MBD2: variants seen among roughly 807,000 people sequenced by gnomAD.
The protein encoded by MBD2 is methyl-CpG binding domain protein 2, also known as methyl-CpG-binding domain protein 2.
In MBD2, 9 loss-of-function variants were observed where a neutral mutation model predicts 39.3. The ratio of observed to expected loss-of-function variants is 0.23; its 90% CI spans 0.14 to 0.40. MBD2 has a LOEUF of 0.40. MBD2 is among the 10% of genes least tolerant of loss of function. The probability of loss-of-function intolerance (pLI) is 1.00; values close to 1 mark genes in which losing one functional copy is unlikely to be tolerated. For synonymous variants in MBD2, 233 were observed against 211.1 expected (o/e 1.10, Z -0.90); for missense variants, 458 against 532.6 (o/e 0.86, Z 1.38).
chr18:54,194,411 T>C (rs2086348409), intron 2 of MBD2, among the ~76,000 whole-genome samples: 1 of 152,048 alleles, frequency 6.6e-6, no homozygotes, highest in Non-Finnish European at 1.5e-5. Flanking sequence ...ATCATGAAAT[T>C]ATTTCACTTT....
intron 1 of MBD2, among the ~76,000 whole-genome samples, chr18:54,217,957 T>C (rs560707258): frequency 2.6e-5 from 4 of 152,298 alleles, no homozygotes; most frequent in South Asian, 2.1e-4. Context: ...AAGGAAGATA[T>C]ATCAGAGCAC....
chr18:54,213,985 G>T (rs1334605110), intron 1 of MBD2, among the ~76,000 whole-genome samples: 1 of 149,690 alleles, frequency 6.7e-6, no homozygotes, highest in Non-Finnish European at 1.5e-5. Context: ...ATTAGCAGTG[G>T]TTCTCTTTTC....
At chr18:54,215,675 T>C (rs2086552349) in intron 1 of MBD2, among the ~76,000 whole-genome samples, 1 of 151,900 alleles carries the variant, frequency 6.6e-6, no homozygotes, top group Non-Finnish European at 1.5e-5. Flanking sequence ...TTTGTATTTT[T>C]AGTAAAGAAG....
intron 3 of MBD2, among the ~76,000 whole-genome samples, chr18:54,186,570 A>G (rs1303543573): frequency 1.3e-5 from 2 of 152,222 alleles, no homozygotes; most frequent in African/African-American, 4.8e-5. Context: ...ATTAACATGA[A>G]AATTGTCTTT....
chr18:54,175,095 C>T (rs895980642), intron 3 of MBD2, among the ~76,000 whole-genome samples: 36 of 152,206 alleles, frequency 2.4e-4, no homozygotes, highest in African/African-American at 8.4e-4. Flanking sequence ...CTTATTTTAG[C>T]TCTCATGTAT....
intron 3 of MBD2, among the ~76,000 whole-genome samples, chr18:54,180,032 C>T (rs1001230363): frequency 6.6e-6 from 1 of 152,098 alleles, no homozygotes. Flanking sequence ...AGAAGGATAA[C>T]TGAAATCAGA....
intron 5 of MBD2, among the ~76,000 whole-genome samples, chr18:54,162,642 A>G (rs1043874343): frequency 4.6e-5 from 7 of 152,252 alleles, no homozygotes; most frequent in African/African-American, 1.7e-4. Flanking sequence ...AGGACCTGGC[A>G]GAATCCCTGC....
In MBD2 at chr18:54,224,628, C is replaced by A; in HGVS notation, c.-69G>T. ...GCCCTTGGAATCCCGGAGACCCGCCCCGCCCGCAGCGCGGCGCGCGGGGGA... is the reference window on the plus strand; with the variant it reads ...GCCCTTGGAATCCCGGAGACCCGCCACGCCCGCAGCGCGGCGCGCGGGGGA... On this transcript the variant is annotated 5_prime_UTR_variant, in exon 1 of 7. Transcript: ENST00000256429. 8.9e-7 allele frequency: 1 copy of A among 1,121,234 alleles called. No individual in the cohort carries two copies. Among genetic ancestry groups the A allele is most frequent in the South Asian group, 4.6e-5 (1 of 21,964 alleles). The allele number at this position is 1,121,234 out of a possible 1,614,324, so 69.5% of individuals were successfully genotyped here.
intron 1 of MBD2, among the ~76,000 whole-genome samples, chr18:54,221,996 T>A (rs565304892): frequency 1.4e-4 from 21 of 152,140 alleles, no homozygotes; most frequent in African/African-American, 5.1e-4. Flanking sequence ...TGCCACAGAG[T>A]AAAATTCAAA....
chr18:54,188,116 GCA>G (rs1418344592), intron 3 of MBD2, among the ~76,000 whole-genome samples: 1 of 152,052 alleles, frequency 6.6e-6, no homozygotes, highest in Admixed American at 6.6e-5. Flanking sequence ...AAAAAAAAAC[GCA>G]CAGATGTTTC....
chr18:54,173,380 G>C lies in MBD2; in HGVS notation c.841-7214C>G, dbSNP rs114064898. Among the ~76,000 whole-genome samples, 1,380 of 152,266 alleles carry C rather than the reference G, an allele frequency of 9.1e-3. 20 individuals are homozygous for C. Among genetic ancestry groups the C allele is most frequent in the African/African-American group, 0.03 (1,254 of 41,564 alleles). ...AACCAGGCATGGCCCTTCCTTCTAA[G>C]TGAGGGGCTCTTTTAAGCACAAGGC... On this transcript the variant is annotated intron_variant, in intron 3 of 6. Coordinates refer to ENST00000256429, the MANE Select transcript of MBD2 (RefSeq NM_003927.5).
intron 2 of MBD2, among the ~76,000 whole-genome samples, chr18:54,196,259 G>A (rs2144319738): frequency 6.6e-6 from 1 of 152,188 alleles, no homozygotes; most frequent in East Asian, 1.9e-4. Context: ...GGAGATTAAT[G>A]GCATATTAAA....
chr18:54,196,247 AAGG>A (rs1487672783), intron 2 of MBD2, among the ~76,000 whole-genome samples: 1 of 152,210 alleles, frequency 6.6e-6, no homozygotes, highest in Admixed American at 6.5e-5. Flanking sequence ...AGATTTTTTA[AAGG>A]AGATTAATGG....
chr18:54,189,071 CCTA>C, intron 2 of MBD2, 60 bp from the exon 3 acceptor site: 1 of 1,129,372 alleles, frequency 8.9e-7, no homozygotes, highest in South Asian at 1.8e-5. Flanking sequence ...CAGATGACTT[CCTA>C]CTAATTCAAT....
At chr18:54,192,958 A>G (rs564066467) in intron 2 of MBD2, among the ~76,000 whole-genome samples, 1 of 152,282 alleles carries the variant, frequency 6.6e-6, no homozygotes, top group South Asian at 2.1e-4. Flanking sequence ...TCTTCACTCA[A>G]TCTTATTTTG....
At chr18:54,209,172 C>T (rs532499191) in intron 1 of MBD2, among the ~76,000 whole-genome samples, 5 of 151,658 alleles carry the variant, frequency 3.3e-5, no homozygotes, top group African/African-American at 9.7e-5. Flanking sequence ...GGCGTGCGCC[C>T]GTAATCCCTG....
intron 2 of MBD2, among the ~76,000 whole-genome samples, chr18:54,197,293 G>GA: frequency 6.6e-6 from 1 of 152,252 alleles, no homozygotes; most frequent in East Asian, 1.9e-4. Context: ...AAAACCCTCA[G>GA]ACAGCATTCT....
intron 2 of MBD2, among the ~76,000 whole-genome samples, chr18:54,190,882 A>C (rs1315734376): frequency 6.6e-6 from 1 of 152,162 alleles, no homozygotes; most frequent in Non-Finnish European, 1.5e-5. Context: ...AAAATCTACG[A>C]TGTGTTCCAG....
intron 1 of MBD2, among the ~76,000 whole-genome samples, chr18:54,213,431 G>A (rs939741564): frequency 6.6e-6 from 1 of 152,148 alleles, no homozygotes; most frequent in Non-Finnish European, 1.5e-5. Flanking sequence ...TGGAAAAACC[G>A]TCTTCCATGA....
Sources: gnomAD v4.1 joint callset for allele counts (sites outside exome capture counted in the v4.1 genomes callset) on GRCh38, gnomAD v4.1.1 for gene constraint, MANE v1.5 for transcripts, NCBI Gene and HGNC (gene_info 2026-07-23, HGNC 2026-07-21) for gene names.